Variants in PCDHGB4 observed in about 807,000 individuals in gnomAD.
PCDHGB4 encodes the protein protocadherin gamma subfamily B, 4, also known as protocadherin gamma-B4.
Under a neutral mutation model 60.5 loss-of-function variants are expected in PCDHGB4, and 38 were observed. The observed-to-expected ratio is 0.63, with a 90% CI of 0.48 to 0.82. PCDHGB4 has a LOEUF of 0.82. Among genes scored for constraint, PCDHGB4 ranks in the 40% least tolerant of loss-of-function variants. PCDHGB4 has a pLI of 0.00. For missense variants in PCDHGB4, 1,109 were observed against 1,209.6 expected (o/e 0.92, Z 1.23); for synonymous variants, 456 against 509.7 (o/e 0.89, Z 1.42).
rs181397365 is a variant in PCDHGB4, at chr5:141,481,810, G to A, written c.2398-12997G>A. Among the ~76,000 whole-genome samples, 99 of 151,944 alleles carry A rather than the reference G, an allele frequency of 6.5e-4. 1 individual carries two copies. The highest frequency in any genetic ancestry group is 2.4e-3 in the African/African-American group (98 of 41,418). On this transcript the variant is annotated intron_variant, in intron 1 of 3. Transcript: ENST00000519479. ...CTACTAAAAATACAAAAATTCACCA[G>A]GCGTGGTGGCTGAGGCAGGAGAATC...
chr5:141,441,861 C>T (rs3805696), intron 1 of PCDHGB4: 35,405 of 342,650 alleles, frequency 0.1, 2,215 homozygotes, highest in African/African-American at 0.17. Context: ...TGCTGCACGC[C>T]GCGGAGCCTG....
chr5:141,455,919 A>T, intron 1 of PCDHGB4, among the ~76,000 whole-genome samples: 1 of 145,568 alleles, frequency 6.9e-6, no homozygotes, highest in Non-Finnish European at 1.5e-5. Context: ...TTATTTTGAG[A>T]CGGAGTCTCG....
At chr5:141,395,375 G>A (rs761076022) in intron 1 of PCDHGB4, 34 of 1,180,184 alleles carry the variant, frequency 2.9e-5, no homozygotes, top group Non-Finnish European at 3.3e-5. Flanking sequence ...TTTTGGTGGT[G>A]TTACTATAAA....
In PCDHGB4 at chr5:141,408,496, G is replaced by C. The variant is rs758752081; in HGVS notation, c.2397+18215G>C. On this transcript the variant is annotated intron_variant, in intron 1 of 3. Coordinates refer to ENST00000519479, the MANE Select transcript of PCDHGB4 (RefSeq NM_003736.4). The stretch of plus-strand genomic sequence containing the variant: ...TAGACCGTGAGCAAATATGCAAAGA[G>C]AGAAGAAGATGTGAGTTGCAATTGG... 21 of 1,613,960 alleles carry C rather than the reference G, an allele frequency of 1.3e-5. No individual in the cohort carries two copies. In the East Asian group the frequency reaches 1.3e-4, roughly 10 times the overall value.
At chr5:141,483,555 C>CAG (rs1415499107) in intron 1 of PCDHGB4, among the ~76,000 whole-genome samples, 2 of 152,152 alleles carry the variant, frequency 1.3e-5, no homozygotes, top group African/African-American at 4.8e-5. Flanking sequence ...GTGCCATTCA[C>CAG]AGAGACAGTG....
intron 1 of PCDHGB4, chr5:141,399,206 C>T (rs2093769623): frequency 1.2e-6 from 2 of 1,613,908 alleles, no homozygotes; most frequent in South Asian, 2.2e-5. Flanking sequence ...GTGCCTGGAA[C>T]ACTAATTGCT....
chr5:141,439,171 C>T (rs948650584), intron 1 of PCDHGB4, among the ~76,000 whole-genome samples: 3 of 146,478 alleles, frequency 2.0e-5, no homozygotes, highest in Non-Finnish European at 3.0e-5. Context: ...CCAGCCTGGG[C>T]GACATAGTGA....
chr5:141,406,477 A>G (rs1233914824), intron 1 of PCDHGB4, among the ~76,000 whole-genome samples: 1 of 152,166 alleles, frequency 6.6e-6, no homozygotes, highest in Non-Finnish European at 1.5e-5. Flanking sequence ...TTGAGGTTAT[A>G]TTTTTCAGAT....
At chr5:141,454,471 A>C (rs774315258) in intron 1 of PCDHGB4, among the ~76,000 whole-genome samples, 7 of 152,198 alleles carry the variant, frequency 4.6e-5, no homozygotes, top group Non-Finnish European at 7.3e-5. Context: ...CAATGGCATG[A>C]TCTCAGCTCA....
intron 1 of PCDHGB4, chr5:141,399,270 A>G (rs1318152877): frequency 1.2e-6 from 2 of 1,613,854 alleles, no homozygotes; most frequent in African/African-American, 1.3e-5. Flanking sequence ...TTAATTGTCA[A>G]TTACAAGGCG....
At chr5:141,483,737 G>T (rs1052778197) in intron 1 of PCDHGB4, among the ~76,000 whole-genome samples, 1 of 152,102 alleles carries the variant, frequency 6.6e-6, no homozygotes, top group Admixed American at 6.5e-5. Flanking sequence ...TAGTCAAAAG[G>T]ATATTCCTGA....
intron 1 of PCDHGB4, chr5:141,427,054 C>T (rs1235803553): frequency 4.4e-6 from 2 of 457,580 alleles, no homozygotes; most frequent in Admixed American, 4.7e-5. Context: ...CCCCCAGGCA[C>T]CTCTGTACTA....
intron 1 of PCDHGB4, chr5:141,398,338 G>A (rs1261830149): frequency 4.4e-6 from 6 of 1,375,730 alleles, no homozygotes; most frequent in Non-Finnish European, 6.0e-6. Context: ...CGTCAGTTCG[G>A]AGAAGCCTTA....
rs1019219811 is a variant in PCDHGB4, at chr5:141,420,399, T to G, written c.2397+30118T>G. ...AGAGTTCGCAAAATATAGGTCAAAT[T>G]TATGGTTATCATTATTAAAACAAAA... On this transcript the variant is annotated intron_variant, in intron 1 of 3. Transcript: ENST00000519479. 5.6e-6 allele frequency: 7 copies of G among 1,257,080 alleles called. No individual in the cohort carries two copies. In the Admixed American group the frequency reaches 1.8e-4, roughly 32 times the overall value. 77.9% of individuals were successfully genotyped at this position (1,257,080 alleles called of 1,614,324 possible).
At chr5:141,504,743 G>A (rs924744762) in intron 2 of PCDHGB4, among the ~76,000 whole-genome samples, 5 of 151,982 alleles carry the variant, frequency 3.3e-5, no homozygotes, top group African/African-American at 9.7e-5. Context: ...GGAAGCCATT[G>A]AATTTTAGAA....
At chr5:141,392,273 GC>G (rs1371015127) in intron 1 of PCDHGB4, 1 of 152,178 alleles carries the variant, frequency 6.6e-6, no homozygotes, top group Non-Finnish European at 1.5e-5. Flanking sequence ...TTACAATAAA[GC>G]TTAGAGCACA....
chr5:141,487,004 C>G lies in PCDHGB4; in HGVS notation c.2398-7803C>G. 1 of 1,614,224 alleles carries G rather than the reference C, an allele frequency of 6.2e-7. No homozygotes were observed. The highest frequency in any genetic ancestry group is 1.1e-5 in the South Asian group (1 of 91,086). On this transcript the variant is annotated intron_variant, in intron 1 of 3. Transcript: ENST00000519479. This position sits in a 1 kb window ranked among gnomAD's most constrained non-coding sequence, Gnocchi z 5.0. ...CAATGCTTGGGTTTCCTATCAGCTC[C>G]TGGAGGCCCCAGATCCCAGCCTGTT...
At position 141,387,774 on chromosome 5, in the gene PCDHGB4, G is replaced by C. The variant is rs2091089351; in HGVS notation, c.-111G>C. 3 of 1,445,206 alleles carry C rather than the reference G, an allele frequency of 2.1e-6. No individual in the cohort carries two copies. Among genetic ancestry groups the C allele is most frequent in the East Asian group, 2.5e-5 (1 of 40,784 alleles). 89.5% of individuals were successfully genotyped at this position (1,445,206 alleles called of 1,614,324 possible). A position where few individuals can be genotyped will look rare whatever the true frequency, so the allele number is the denominator to read the frequency against. On this transcript the variant is annotated 5_prime_UTR_variant, in exon 1 of 4. Coordinates refer to ENST00000519479, the MANE Select transcript of PCDHGB4 (RefSeq NM_003736.4). ...CTCGGAAAAAGAAGAATTTTTTCTT[G>C]AACTGGAACTGCAACTAAAGTCCGT...
chr5:141,422,018 T>C, intron 1 of PCDHGB4: 1 of 1,610,840 alleles, frequency 6.2e-7, no homozygotes, highest in Non-Finnish European at 8.5e-7. Context: ...CGGGTGCTGA[T>C]GGTTAATGCA....
Sources: gnomAD v4.1 joint callset for allele counts (sites outside exome capture counted in the v4.1 genomes callset) on GRCh38, gnomAD v4.1.1 for gene constraint, Gnocchi (gnomAD v3.1) non-coding constraint, MANE v1.5 for transcripts, NCBI Gene and HGNC (gene_info 2026-07-23, HGNC 2026-07-21) for gene names.